Variants in GIPC2 observed in about 807,000 individuals in gnomAD.
GIPC2 encodes GIPC PDZ domain containing family member 2.
Under a neutral mutation model 30.6 loss-of-function variants are expected in GIPC2, and 30 were observed. That is an observed-to-expected ratio of 0.98 (90% CI 0.73 to 1.33). The LOEUF (loss-of-function observed/expected upper bound fraction) is 1.33, where lower values mean the gene tolerates loss of function less well. GIPC2 is among the 40% of genes most tolerant of loss of function. The pLI is 0.00. For synonymous variants in GIPC2, 167 were observed against 150.0 expected (o/e 1.11, Z -0.83); for missense variants, 414 against 390.3 (o/e 1.06, Z -0.51).
At chr1:78,056,280 C>G (rs988423392) in intron 1 of GIPC2, among the ~76,000 whole-genome samples, 1 of 151,998 alleles carries the variant, frequency 6.6e-6, no homozygotes, top group Non-Finnish European at 1.5e-5. Flanking sequence ...AGTTCTTGAC[C>G]ACCTGGGCAA....
intron 5 of GIPC2, among the ~76,000 whole-genome samples, chr1:78,134,052 C>T (rs1479439638): frequency 6.6e-6 from 1 of 152,070 alleles, no homozygotes; most frequent in Non-Finnish European, 1.5e-5. Flanking sequence ...CTTAGTCTTT[C>T]TAATGGAGAA....
intron 1 of GIPC2, among the ~76,000 whole-genome samples, chr1:78,068,300 A>G (rs183445705): frequency 1.6e-4 from 24 of 152,344 alleles, no homozygotes; most frequent in Non-Finnish European, 2.9e-4. Flanking sequence ...TAAGTCTCCT[A>G]GAATCTTGGT....
intron 5 of GIPC2, among the ~76,000 whole-genome samples, chr1:78,130,783 CAAGATTTTTAACCGTA>C (rs1346586155): frequency 3.9e-5 from 6 of 152,000 alleles, no homozygotes; most frequent in African/African-American, 1.2e-4. Flanking sequence ...ACTTTGATAC[CAAGATTTTTAACCGTA>C]AAGATTTTTA....
In GIPC2 at chr1:78,046,033, G is replaced by C. The variant is rs1571465551; in HGVS notation, c.-62G>C. The C allele has an allele frequency of 7.1e-7, 1 of 1,398,922 alleles. No homozygotes were observed. Among genetic ancestry groups the C allele is most frequent in the Non-Finnish European group, 9.3e-7 (1 of 1,079,088 alleles). The allele number at this position is 1,398,922 out of a possible 1,614,324, so 86.7% of individuals were successfully genotyped here. ...CGGGGCCCGGGGCGCAAAGTCCGAGGCGCCGGGGGGAGGAGGCGGCGGACG... is the reference window on the plus strand; with the variant it reads ...CGGGGCCCGGGGCGCAAAGTCCGAGCCGCCGGGGGGAGGAGGCGGCGGACG... On this transcript the variant is annotated 5_prime_UTR_variant, in exon 1 of 6. Coordinates refer to ENST00000370759, the MANE Select transcript of GIPC2 (RefSeq NM_017655.6).
At chr1:78,052,667 A>G (rs1325215393) in intron 1 of GIPC2, among the ~76,000 whole-genome samples, 1 of 152,234 alleles carries the variant, frequency 6.6e-6, no homozygotes, top group Non-Finnish European at 1.5e-5. Flanking sequence ...TTTGATATAA[A>G]TAGTGAAATA....
At chr1:78,080,604 G>A in intron 1 of GIPC2, 71 bp from the exon 2 acceptor site, 1 of 820,888 alleles carries the variant, frequency 1.2e-6, no homozygotes, top group Non-Finnish European at 1.9e-6. Flanking sequence ...GTCAATAAAT[G>A]TTTATAAATA....
At chr1:78,085,145 G>A (rs1179983395) in intron 2 of GIPC2, among the ~76,000 whole-genome samples, 1 of 152,166 alleles carries the variant, frequency 6.6e-6, no homozygotes, top group African/African-American at 2.4e-5. Context: ...CATGAAGGGT[G>A]TTGAATTTTA....
intron 3 of GIPC2, among the ~76,000 whole-genome samples, chr1:78,112,199 G>A (rs1662478374): frequency 6.6e-6 from 1 of 152,214 alleles, no homozygotes; most frequent in South Asian, 2.1e-4. Context: ...GGAACTGAAA[G>A]TAATTGGTTT....
At position 78,124,146 on chromosome 1, in the gene GIPC2, T is replaced by C. The variant is rs1164373084; in HGVS notation, c.715-1735T>C. ...AGTTAACATCTTTGGGCAATTCCAT[T>C]TTCAGCTATGATGCCATTTAAAGCC... On this transcript the variant is annotated intron_variant, in intron 4 of 5. Transcript: ENST00000370759. Among the ~76,000 whole-genome samples, 3 of 152,194 alleles carry C rather than the reference T, an allele frequency of 2.0e-5. No homozygotes were observed. In the South Asian group the frequency reaches 6.2e-4, roughly 32 times the overall value.
At chr1:78,118,778 G>T (rs1662619931) in intron 3 of GIPC2, among the ~76,000 whole-genome samples, 1 of 152,146 alleles carries the variant, frequency 6.6e-6, no homozygotes, top group South Asian at 2.1e-4. Flanking sequence ...AATCTGGTTT[G>T]TATCTGCAAG....
At chr1:78,071,634 C>T (rs6688346) in intron 1 of GIPC2, among the ~76,000 whole-genome samples, 33,998 of 150,658 alleles carry the variant, frequency 0.23, 4,148 homozygotes, top group East Asian at 0.49. Context: ...GAAGAGGTCC[C>T]ACTGAGTTGC....
chr1:78,046,371 G>C, intron 1 of GIPC2, 37 bp downstream of exon 1: 1 of 1,420,944 alleles, frequency 7.0e-7, no homozygotes, highest in Non-Finnish European at 9.7e-7. Context: ...CCGCCTCTCC[G>C]CCGCGCCGCG....
chr1:78,099,833 T>A (rs1662207670), intron 3 of GIPC2, among the ~76,000 whole-genome samples: 1 of 151,678 alleles, frequency 6.6e-6, no homozygotes, highest in Admixed American at 6.6e-5. Flanking sequence ...TCCTAGGAAG[T>A]GGGAACAGAA....
chr1:78,119,663 A>G (rs1292632475), intron 4 of GIPC2, among the ~76,000 whole-genome samples, 164 bp downstream of exon 4: 1 of 152,182 alleles, frequency 6.6e-6, no homozygotes, highest in Non-Finnish European at 1.5e-5. Flanking sequence ...AGGACATGAG[A>G]AGAGATTGTG....
At chr1:78,063,673 T>C (rs567485236) in intron 1 of GIPC2, among the ~76,000 whole-genome samples, 1 of 152,088 alleles carries the variant, frequency 6.6e-6, no homozygotes, top group South Asian at 2.1e-4. Flanking sequence ...TCACTTGAGG[T>C]CAGGGGTTCG....
intron 3 of GIPC2, among the ~76,000 whole-genome samples, chr1:78,111,066 C>G (rs955402175): frequency 6.6e-6 from 1 of 152,166 alleles, no homozygotes; most frequent in African/African-American, 2.4e-5. Flanking sequence ...TGATATTTCT[C>G]TTGGTGCTCT....
intron 1 of GIPC2, among the ~76,000 whole-genome samples, chr1:78,070,866 A>G (rs1571486053): frequency 6.6e-6 from 1 of 152,194 alleles, no homozygotes; most frequent in African/African-American, 2.4e-5. Flanking sequence ...AGAAGAGCAC[A>G]AAGAGTGATG....
chr1:78,049,578 C>T (rs1398769561), intron 1 of GIPC2, among the ~76,000 whole-genome samples: 2 of 152,120 alleles, frequency 1.3e-5, no homozygotes, highest in Non-Finnish European at 2.9e-5. Flanking sequence ...ATATAAATAG[C>T]ACTACATGAA....
At chr1:78,075,347 T>C (rs986374695) in intron 1 of GIPC2, among the ~76,000 whole-genome samples, 1 of 152,086 alleles carries the variant, frequency 6.6e-6, no homozygotes, top group Non-Finnish European at 1.5e-5. Context: ...TCCCAGCTAC[T>C]AGGGAGGCTG....
Sources: allele counts gnomAD v4.1 joint callset (sites outside exome capture counted in the v4.1 genomes callset), GRCh38; gene constraint gnomAD v4.1.1; transcripts MANE v1.5; gene names NCBI Gene and HGNC (gene_info 2026-07-23, HGNC 2026-07-21).